LRRC4C: variants seen among roughly 807,000 people sequenced by gnomAD.
The protein encoded by LRRC4C is leucine rich repeat containing 4C.
LRRC4C carries 5 observed loss-of-function variants against 33.6 expected under a neutral mutation model. The ratio of observed to expected loss-of-function variants is 0.15; its 90% CI spans 0.08 to 0.31. The LOEUF is 0.31. LRRC4C is among the 10% of genes least tolerant of loss of function. The probability of loss-of-function intolerance (pLI) is 1.00; values close to 1 mark genes in which losing one functional copy is unlikely to be tolerated. For missense variants in LRRC4C, 560 were observed against 796.7 expected, an observed-to-expected ratio of 0.70 and a Z score of 3.58; for synonymous variants, 329 against 302.0, an observed-to-expected ratio of 1.09 and a Z score of -0.93.
chr11:40,760,129 A>C (rs767943089), intron 2 of LRRC4C, among the ~76,000 whole-genome samples: 1 of 152,050 alleles, frequency 6.6e-6, no homozygotes, highest in African/African-American at 2.4e-5. Flanking sequence ...TCCTGGGTCC[A>C]ATTTAGTTCA....
At chr11:40,240,432 G>C (rs568479410) in intron 5 of LRRC4C, among the ~76,000 whole-genome samples, 1 of 152,168 alleles carries the variant, frequency 6.6e-6, no homozygotes, top group Admixed American at 6.6e-5. Context: ...CAGGATTAGA[G>C]AATTCTGATT....
chr11:41,023,791 T>A (rs1856148671), intron 1 of LRRC4C, among the ~76,000 whole-genome samples: 1 of 151,760 alleles, frequency 6.6e-6, no homozygotes, highest in Non-Finnish European at 1.5e-5. Context: ...ATTGTACTTA[T>A]CTTGAGGACT....
chr11:40,636,839 CA>C (rs1941782135), intron 3 of LRRC4C, among the ~76,000 whole-genome samples: 3 of 152,134 alleles, frequency 2.0e-5, no homozygotes, highest in African/African-American at 7.2e-5. Flanking sequence ...AGGAAATGTT[CA>C]CTCACTCTGT....
chr11:41,142,557 C>T (rs941471088), intron 1 of LRRC4C, among the ~76,000 whole-genome samples: 5 of 152,072 alleles, frequency 3.3e-5, no homozygotes, highest in Admixed American at 1.3e-4. Context: ...TTTGCTAGAA[C>T]GGGACAGAGA....
At chr11:40,909,738 T>C (rs1956583806) in intron 2 of LRRC4C, among the ~76,000 whole-genome samples, 1 of 152,132 alleles carries the variant, frequency 6.6e-6, no homozygotes, top group African/African-American at 2.4e-5. Flanking sequence ...TTTTCAGTTC[T>C]TTTACAAAGG....
intron 1 of LRRC4C, among the ~76,000 whole-genome samples, chr11:40,990,873 T>A (rs915741511): frequency 1.3e-5 from 2 of 152,132 alleles, no homozygotes; most frequent in Non-Finnish European, 2.9e-5. Context: ...TGATGAAATG[T>A]AAAAGAAGTG....
chr11:40,643,633 C>T (rs979797467), intron 3 of LRRC4C, among the ~76,000 whole-genome samples: 7 of 152,170 alleles, frequency 4.6e-5, no homozygotes, highest in African/African-American at 1.7e-4. Flanking sequence ...CCCTGCCGTC[C>T]ACCAGCACGG....
intron 1 of LRRC4C, among the ~76,000 whole-genome samples, chr11:41,074,436 A>C (rs953260909): frequency 1.3e-5 from 2 of 152,166 alleles, no homozygotes; most frequent in Non-Finnish European, 2.9e-5. Flanking sequence ...AAAGGCTCCC[A>C]ATTATTGCTC....
chr11:40,239,540 A>G (rs1360813911), intron 5 of LRRC4C, among the ~76,000 whole-genome samples: 1 of 152,202 alleles, frequency 6.6e-6, no homozygotes, highest in Non-Finnish European at 1.5e-5. Context: ...AACCAATCAC[A>G]TATCCAAGAT....
At chr11:40,874,927 C>G (rs1018311889) in intron 2 of LRRC4C, among the ~76,000 whole-genome samples, 1 of 152,118 alleles carries the variant, frequency 6.6e-6, no homozygotes, top group Non-Finnish European at 1.5e-5. Flanking sequence ...TCTGACTACT[C>G]TTAGAACTAA....
At chr11:40,450,700 A>AT (rs1331487690) in intron 3 of LRRC4C, among the ~76,000 whole-genome samples, 4 of 151,750 alleles carry the variant, frequency 2.6e-5, no homozygotes, top group African/African-American at 9.7e-5. Flanking sequence ...TCATTAATAT[A>AT]TTTAAAGAAT....
At chr11:41,161,346 C>G (rs1394037532) in intron 1 of LRRC4C, among the ~76,000 whole-genome samples, 1 of 152,120 alleles carries the variant, frequency 6.6e-6, no homozygotes, top group African/African-American at 2.4e-5. Flanking sequence ...TTCTGTTTTC[C>G]TGAGTAATGC....
At chr11:40,366,557 A>G (rs1053481083) in intron 3 of LRRC4C, among the ~76,000 whole-genome samples, 3 of 152,100 alleles carry the variant, frequency 2.0e-5, no homozygotes, top group African/African-American at 7.2e-5. Context: ...AAAGCCTTAC[A>G]TGAATTATAT....
At chr11:40,906,844 G>T (rs1038894) in intron 2 of LRRC4C, among the ~76,000 whole-genome samples, 94,363 of 151,980 alleles carry the variant, frequency 0.62, 33,848 homozygotes, top group Non-Finnish European at 0.81. Flanking sequence ...CACAGAAAAA[G>T]AAAAGATAAA....
At chr11:40,771,963 C>T (rs966925779) in intron 2 of LRRC4C, among the ~76,000 whole-genome samples, 2 of 152,180 alleles carry the variant, frequency 1.3e-5, no homozygotes, top group African/African-American at 4.8e-5. Context: ...TCTGAGCCCA[C>T]CAAACTGTTC....
At chr11:40,985,385 T>C (rs1355815083) in intron 1 of LRRC4C, among the ~76,000 whole-genome samples, 1 of 152,144 alleles carries the variant, frequency 6.6e-6, no homozygotes, top group Non-Finnish European at 1.5e-5. Context: ...AAAAGTACCT[T>C]ATCATAACTA....
intron 5 of LRRC4C, among the ~76,000 whole-genome samples, chr11:40,181,337 T>C (rs1024474887): frequency 5.9e-5 from 9 of 152,162 alleles, no homozygotes; most frequent in African/African-American, 2.2e-4. Context: ...AGACTGAGGT[T>C]TTTTTCCTCC....
intron 2 of LRRC4C, among the ~76,000 whole-genome samples, chr11:40,888,621 G>A (rs925494434): frequency 2.5e-4 from 38 of 151,742 alleles, no homozygotes; most frequent in Admixed American, 2.6e-4. Flanking sequence ...AAAAAGAATT[G>A]GAAGGAACTT....
At chr11:41,170,486 C>G (rs937987211) in intron 1 of LRRC4C, among the ~76,000 whole-genome samples, 1 of 152,124 alleles carries the variant, frequency 6.6e-6, no homozygotes, top group South Asian at 2.1e-4. Flanking sequence ...ACAAGCCTGA[C>G]AAAAACAAGA....
Sources: allele counts gnomAD v4.1 joint callset (sites outside exome capture counted in the v4.1 genomes callset), GRCh38; gene constraint gnomAD v4.1.1; transcripts MANE v1.5; gene names NCBI Gene and HGNC (gene_info 2026-07-23, HGNC 2026-07-21).